MILR1: variants seen among roughly 807,000 people sequenced by gnomAD.
The protein encoded by MILR1 is mast cell immunoglobulin like receptor 1.
MILR1 carries 31 observed loss-of-function variants against 18.5 expected under a neutral mutation model. The observed-to-expected ratio is 1.68, with a 90% confidence interval of 1.26 to 2.26. The LOEUF is 2.26. Among genes scored for constraint, MILR1 ranks in the 30% most tolerant of loss-of-function variants. The pLI, the probability that MILR1 is intolerant of heterozygous loss-of-function variation, is 0.00. For synonymous variants in MILR1, 85 were observed against 56.2 expected (o/e 1.51, Z -2.30); for missense variants, 257 against 157.4 (o/e 1.63, Z -3.38).
At chr17:64,490,506 G>C in the MILR1 span, 1 of 391,808 alleles carries the variant, frequency 2.6e-6, no homozygotes, top group Non-Finnish European at 4.8e-6. Flanking sequence ...TTGTTCATTT[G>C]AAGGAGTGTA....
At chr17:64,472,029 A>G (rs955983649), downstream of MILR1, among the ~76,000 whole-genome samples, 1 of 152,238 alleles carries the variant, frequency 6.6e-6, no homozygotes, top group African/African-American at 2.4e-5. Context: ...CTAGAAGAAT[A>G]TGCAGGGGAT....
At chr17:64,470,197 G>A (rs1568075042), downstream of MILR1, among the ~76,000 whole-genome samples, 2 of 152,124 alleles carry the variant, frequency 1.3e-5, no homozygotes, top group Non-Finnish European at 2.9e-5. Flanking sequence ...GGGTTCAAGC[G>A]ATTCTTGTGC....
intron 5 of MILR1, among the ~76,000 whole-genome samples, chr17:64,464,013 G>A (rs1277078280): frequency 1.3e-5 from 2 of 151,542 alleles, no homozygotes; most frequent in Non-Finnish European, 2.9e-5. Context: ...TAGTAGAGAT[G>A]GGGTTTCACT....
intron 4 of MILR1, among the ~76,000 whole-genome samples, chr17:64,458,736 A>G (rs1270933733): frequency 6.6e-6 from 1 of 151,880 alleles, no homozygotes; most frequent in African/African-American, 2.4e-5. Context: ...CCTGAACCCT[A>G]TACTCCCACT....
At chr17:64,494,343 CACT>C in the MILR1 span, among the ~76,000 whole-genome samples, 601 of 152,228 alleles carry the variant, frequency 3.9e-3, 2 homozygotes, top group Middle Eastern at 6.8e-3. Context: ...CAAATTATTC[CACT>C]ACTGAAGACA....
chr17:64,492,610 G>A, the MILR1 span: 1 of 955,284 alleles, frequency 1.0e-6, no homozygotes. Flanking sequence ...AATTACCACT[G>A]ACACATTAAG....
the MILR1 span, among the ~76,000 whole-genome samples, chr17:64,487,857 A>G: frequency 6.6e-6 from 1 of 151,930 alleles, no homozygotes; most frequent in Non-Finnish European, 1.5e-5. Flanking sequence ...AACAAAAAAG[A>G]TTGTTTATTG....
At chr17:64,466,778 G>A in intron 8 of MILR1, 116 bp downstream of exon 8, 4 of 841,252 alleles carry the variant, frequency 4.8e-6, no homozygotes, top group Admixed American at 2.3e-5. Context: ...AGCAATGCAG[G>A]CACACTGCAA....
intron 3 of MILR1, among the ~76,000 whole-genome samples, chr17:64,455,466 T>A (rs2037271368): frequency 3.9e-5 from 6 of 151,968 alleles, no homozygotes; most frequent in Admixed American, 3.9e-4. Context: ...AAAAAAATTT[T>A]TTTTTTGAGA....
At chr17:64,467,794 G>A in intron 9 of MILR1, 149 bp downstream of exon 9, 1 of 509,868 alleles carries the variant, frequency 2.0e-6, no homozygotes. Context: ...AATTAGCCAG[G>A]TGTGGTGGTG....
downstream of MILR1, among the ~76,000 whole-genome samples, chr17:64,471,549 C>T (rs553566395): frequency 4.6e-5 from 7 of 152,170 alleles, no homozygotes; most frequent in African/African-American, 9.7e-5. Context: ...AGTGAGTAGA[C>T]CCTCAGATGC....
chr17:64,449,371 T>C lies in MILR1; in HGVS notation c.97+16T>C. 1 of 460,376 alleles carries C rather than the reference T, an allele frequency of 2.2e-6. No individual in the cohort carries two copies. Among genetic ancestry groups the C allele is most frequent in the South Asian group, 7.8e-5 (1 of 12,770 alleles). 28.5% of individuals were successfully genotyped at this position (460,376 alleles called of 1,614,324 possible). ...AAAACAAATGGTAAGTTTCATTTAC[T>C]TCTTTCTTATTGAAACCATTTTCAC... On this transcript the variant is annotated intron_variant, in intron 2 of 9. Coordinates refer to ENST00000619286, the MANE Select transcript of MILR1 (RefSeq NM_001085423.2).
At chr17:64,450,360 A>C (rs2037141875) in intron 2 of MILR1, among the ~76,000 whole-genome samples, 1 of 152,182 alleles carries the variant, frequency 6.6e-6, no homozygotes, top group East Asian at 1.9e-4. Context: ...AGTGATAGCC[A>C]AGGTGGTGGT....
At chr17:64,467,478 G>A in intron 8 of MILR1, 87 bp from the exon 9 acceptor site, 1 of 769,480 alleles carries the variant, frequency 1.3e-6, no homozygotes. Context: ...GTTCTGTCAG[G>A]CCACCCAGCT....
At chr17:64,476,399 G>T in the MILR1 span, among the ~76,000 whole-genome samples, 1 of 152,046 alleles carries the variant, frequency 6.6e-6, no homozygotes, top group Non-Finnish European at 1.5e-5. Flanking sequence ...ATTCAAGGAG[G>T]CCAGGTGAGG....
chr17:64,496,175 G>A, the MILR1 span, among the ~76,000 whole-genome samples: 4 of 152,324 alleles, frequency 2.6e-5, no homozygotes, highest in African/African-American at 9.6e-5. Flanking sequence ...CCGTGAAATT[G>A]AGAGCGTTCC....
the MILR1 span, among the ~76,000 whole-genome samples, chr17:64,489,028 C>CTTT: frequency 1.5e-5 from 2 of 136,470 alleles, no homozygotes; most frequent in Non-Finnish European, 3.2e-5. Flanking sequence ...TTTTCTTTTT[C>CTTT]TTTTTTTTTT....
At chr17:64,495,552 G>C in the MILR1 span, among the ~76,000 whole-genome samples, 3 of 152,146 alleles carry the variant, frequency 2.0e-5, 1 homozygote, top group South Asian at 6.2e-4. Context: ...ACTCGAGTCT[G>C]GGTGACAGAG....
intron 5 of MILR1, among the ~76,000 whole-genome samples, chr17:64,463,367 G>T (rs2037474184): frequency 6.6e-6 from 1 of 152,112 alleles, no homozygotes; most frequent in Non-Finnish European, 1.5e-5. Flanking sequence ...CTTCAAAGTG[G>T]TTTTTTCATT....
Sources: allele counts gnomAD v4.1 joint callset (sites outside exome capture counted in the v4.1 genomes callset), GRCh38; gene constraint gnomAD v4.1.1; transcripts MANE v1.5; gene names NCBI Gene and HGNC (gene_info 2026-07-23, HGNC 2026-07-21).